The following CDH18 variants were observed in gnomAD, a reference collection of about 807,000 sequenced individuals.
CDH18 encodes cadherin 18, also known as cadherin-18.
In CDH18, 31 loss-of-function variants were observed where a neutral mutation model predicts 67.9. That is an observed-to-expected ratio of 0.46 (90% confidence interval 0.34 to 0.62). The LOEUF (loss-of-function observed/expected upper bound fraction) is 0.62. Ranked by LOEUF, CDH18 falls within the 20% of genes least tolerant of loss-of-function variation. The pLI is 0.01. For synonymous variants in CDH18, 362 were observed against 347.2 expected (o/e 1.04, Z -0.48); for missense variants, 890 against 975.5 (o/e 0.91, Z 1.17).
chr5:19,489,291 A>G (rs1039276790), intron 11 of CDH18, among the ~76,000 whole-genome samples: 4 of 134,954 alleles, frequency 3.0e-5, no homozygotes, highest in African/African-American at 8.7e-5. Flanking sequence ...TCTGTCGCCC[A>G]GGCTGGAGTG....
intron 2 of CDH18, among the ~76,000 whole-genome samples, chr5:19,865,238 T>C (rs1785357978): frequency 6.6e-6 from 1 of 152,088 alleles, no homozygotes. Context: ...ATAAATGAGA[T>C]AATAGATGTC....
intron 2 of CDH18, among the ~76,000 whole-genome samples, chr5:20,242,636 A>ATATATATATGTGTATATATATATG (rs777397342): frequency 1.7e-5 from 1 of 58,382 alleles, no homozygotes; most frequent in Admixed American, 1.9e-4. Context: ...ATATATATGT[A>ATATATATATGTGTATATATATATG]TATATATATA....
intron 3 of CDH18, among the ~76,000 whole-genome samples, chr5:19,822,628 G>C (rs1779991361): frequency 6.6e-6 from 1 of 152,150 alleles, no homozygotes; most frequent in Admixed American, 6.6e-5. Flanking sequence ...TTTCAAAGGG[G>C]AGGGAGTGTA....
At chr5:19,615,940 G>A (rs62351274) in intron 5 of CDH18, among the ~76,000 whole-genome samples, 8,808 of 152,122 alleles carry the variant, frequency 0.058, 292 homozygotes, top group Non-Finnish European at 0.074. Context: ...ACTTACTGAA[G>A]GGCATCTACT....
intron 5 of CDH18, among the ~76,000 whole-genome samples, chr5:19,715,636 A>G (rs558219325): frequency 6.6e-6 from 1 of 152,262 alleles, no homozygotes; most frequent in South Asian, 2.1e-4. Flanking sequence ...AATGTTTGGA[A>G]AGAATTTAAT....
rs143975851 is a variant in CDH18, at chr5:19,993,755, A to T, written c.-517-1741T>A. On this transcript the variant is annotated intron_variant, in intron 2 of 14. Transcript: ENST00000507958. ...ATAGATATCGATATATAGATAATAG[A>T]TATATAGATATACCTCTCTATCTAT... Among the ~76,000 whole-genome samples the T allele has an allele frequency of 3.3e-3, 500 of 152,238 alleles. 2 individuals carry two copies. The highest frequency in any genetic ancestry group is 0.012 in the African/African-American group (480 of 41,542).
Position 19,883,324 on chromosome 5 carries a change from T to C in CDH18, c.-256-44082A>G, listed in dbSNP as rs77221477. On this transcript the variant is annotated intron_variant, in intron 2 of 12. Transcript: ENST00000382275. ...GTTCAAATTGTGTTACACTCTGTGA[T>C]ACCGTTAGAGTAGCACTCAAGTCAC... Among the ~76,000 whole-genome samples, 21 of 152,308 alleles carry C rather than the reference T, an allele frequency of 1.4e-4. No individual in the cohort carries two copies. The East Asian group carries it at 3.7e-3, about 27-fold the overall frequency.
At chr5:19,632,636 G>A (rs12153779) in intron 5 of CDH18, among the ~76,000 whole-genome samples, 8,792 of 152,084 alleles carry the variant, frequency 0.058, 288 homozygotes, top group Non-Finnish European at 0.074. Context: ...TATCTCTAAG[G>A]TATGCGCATA....
At chr5:19,678,245 TC>T (rs895294542) in intron 5 of CDH18, among the ~76,000 whole-genome samples, 16 of 74,890 alleles carry the variant, frequency 2.1e-4, no homozygotes, top group African/African-American at 5.0e-4. Context: ...CCTCAGCAAA[TC>T]AAAAAAAAAA....
chr5:20,571,432 C>T (rs967875980), intron 1 of CDH18, among the ~76,000 whole-genome samples: 2 of 152,106 alleles, frequency 1.3e-5, no homozygotes, highest in Admixed American at 6.6e-5. Context: ...TATATAGCAT[C>T]GGAATTCTCA....
At chr5:20,295,285 T>C (rs770767708) in intron 1 of CDH18, among the ~76,000 whole-genome samples, 1 of 152,194 alleles carries the variant, frequency 6.6e-6, no homozygotes, top group Non-Finnish European at 1.5e-5. Flanking sequence ...GGGAGCCAGC[T>C]ATAATACTGC....
intron 1 of CDH18, among the ~76,000 whole-genome samples, chr5:20,431,501 A>AT (rs1553997921): frequency 8.4e-6 from 1 of 119,740 alleles, no homozygotes; most frequent in Non-Finnish European, 1.9e-5. Context: ...AAAAAAAAAA[A>AT]AAAAAGAAGA....
chr5:19,698,844 C>T (rs1319535016), intron 5 of CDH18, among the ~76,000 whole-genome samples: 1 of 152,076 alleles, frequency 6.6e-6, no homozygotes, highest in Non-Finnish European at 1.5e-5. Context: ...TGATCACCAT[C>T]TCAGGTTTGA....
At chr5:20,157,795 C>G (rs1751653848) in intron 2 of CDH18, among the ~76,000 whole-genome samples, 2 of 151,960 alleles carry the variant, frequency 1.3e-5, no homozygotes, top group Non-Finnish European at 1.5e-5. Flanking sequence ...GCCCACACCA[C>G]CACACCCAGC....
chr5:19,982,999 G>C (rs77794834), intron 1 of CDH18, among the ~76,000 whole-genome samples: 60,794 of 140,356 alleles, frequency 0.43, 14,958 homozygotes, highest in Middle Eastern at 0.62. Context: ...CGCCACTGTC[G>C]TCCAGCCTGG....
chr5:20,258,924 G>C (rs1223746318), intron 1 of CDH18, among the ~76,000 whole-genome samples: 1 of 152,210 alleles, frequency 6.6e-6, no homozygotes, highest in African/African-American at 2.4e-5. Flanking sequence ...CTTGATTTTT[G>C]CTAGTGAAGC....
At chr5:19,935,480 A>G (rs76375840) in intron 2 of CDH18, among the ~76,000 whole-genome samples, 2,875 of 151,358 alleles carry the variant, frequency 0.019, 53 homozygotes, top group Middle Eastern at 0.044. Flanking sequence ...ATACCATTGT[A>G]TAGCAATTTC....
chr5:20,218,121 A>G (rs1424705624), intron 2 of CDH18, among the ~76,000 whole-genome samples: 1 of 151,900 alleles, frequency 6.6e-6, no homozygotes, highest in East Asian at 1.9e-4. Flanking sequence ...TAGATAGAAA[A>G]TCAACAAAGA....
intron 2 of CDH18, among the ~76,000 whole-genome samples, chr5:20,252,313 T>C (rs1743918896): frequency 6.6e-6 from 1 of 151,692 alleles, no homozygotes; most frequent in Non-Finnish European, 1.5e-5. Context: ...ATCACGCCAC[T>C]GCACTCCAGC....
Sources: allele counts gnomAD v4.1 joint callset (sites outside exome capture counted in the v4.1 genomes callset), GRCh38; gene constraint gnomAD v4.1.1; transcripts MANE v1.5; gene names NCBI Gene and HGNC (gene_info 2026-07-23, HGNC 2026-07-21).